GRXCR1: variants seen among roughly 807,000 people sequenced by gnomAD.
The protein encoded by GRXCR1 is glutaredoxin domain-containing cysteine-rich protein 1.
A neutral mutation model predicts 27.3 loss-of-function variants in GRXCR1; 27 were observed. The observed-to-expected ratio is 0.99, with a 90% confidence interval of 0.73 to 1.37. GRXCR1 has a LOEUF of 1.37. GRXCR1 is among the 40% of genes most tolerant of loss of function. The pLI is 0.00. For synonymous variants in GRXCR1, 122 were observed against 131.1 expected, an observed-to-expected ratio of 0.93 and a Z score of 0.47; for missense variants, 379 against 354.4, an observed-to-expected ratio of 1.07 and a Z score of -0.56.
chr4:42,899,396 G>A (rs1043016929), intron 1 of GRXCR1, among the ~76,000 whole-genome samples: 2 of 152,126 alleles, frequency 1.3e-5, no homozygotes, highest in Non-Finnish European at 2.9e-5. Flanking sequence ...GTGAATGATT[G>A]TGTAAAGCAA....
intron 1 of GRXCR1, among the ~76,000 whole-genome samples, chr4:42,928,258 C>A (rs1198511388): frequency 6.6e-6 from 1 of 151,900 alleles, no homozygotes; most frequent in East Asian, 1.9e-4. Context: ...CCAGGCTTGG[C>A]ATTAAAATCA....
intron 2 of GRXCR1, among the ~76,000 whole-genome samples, chr4:42,964,964 C>T (rs543503834): frequency 2.0e-5 from 3 of 151,976 alleles, no homozygotes; most frequent in Admixed American, 1.3e-4. Flanking sequence ...TAAGACATTT[C>T]CCATTGTGGA....
intron 2 of GRXCR1, among the ~76,000 whole-genome samples, chr4:42,976,426 C>G (rs1436484): frequency 0.04 from 6,095 of 151,992 alleles, 418 homozygotes; most frequent in African/African-American, 0.14. Flanking sequence ...TTAAAAGATG[C>G]TATGTATATC....
In GRXCR1 at chr4:42,972,371, A is replaced by G. The variant is rs183626157; in HGVS notation, c.627+9237A>G. On this transcript the variant is annotated intron_variant, in intron 2 of 3. Transcript: ENST00000399770. ...TGGATCTTATTTGGTAATAGGCAAG[A>G]TAAGTGTTAAATCTTCAAGCTTTGT... 3.9e-5 allele frequency among the ~76,000 whole-genome samples: 6 copies of G among 152,280 alleles called. No individual in the cohort carries two copies. In the East Asian group the frequency reaches 9.7e-4, roughly 24 times the overall value.
At chr4:42,982,979 C>T (rs895456189) in intron 2 of GRXCR1, among the ~76,000 whole-genome samples, 38 of 151,876 alleles carry the variant, frequency 2.5e-4, no homozygotes, top group East Asian at 3.9e-4. Flanking sequence ...GAGTAGGTTG[C>T]GAAAATTTTC....
At chr4:42,963,445 TTAGTG>T (rs2109775346) in intron 2 of GRXCR1, among the ~76,000 whole-genome samples, 1 of 152,078 alleles carries the variant, frequency 6.6e-6, no homozygotes, top group South Asian at 2.1e-4. Context: ...GACTGTATTT[TTAGTG>T]TAGGCAAGAA....
intron 2 of GRXCR1, among the ~76,000 whole-genome samples, chr4:42,986,532 G>A (rs1162710398): frequency 1.3e-5 from 2 of 152,114 alleles, no homozygotes; most frequent in Non-Finnish European, 2.9e-5. Flanking sequence ...ATTTCTTCAA[G>A]CTTTCTTTAC....
At chr4:43,023,690 T>A (rs182833146) in intron 3 of GRXCR1, among the ~76,000 whole-genome samples, 36 of 152,310 alleles carry the variant, frequency 2.4e-4, no homozygotes, top group African/African-American at 8.2e-4. Context: ...TTCTTTTTAT[T>A]ATTTACTTCT....
chr4:42,894,582 G>A (rs1183877418), intron 1 of GRXCR1, among the ~76,000 whole-genome samples: 1 of 151,928 alleles, frequency 6.6e-6, no homozygotes, highest in Non-Finnish European at 1.5e-5. Context: ...TGAAGAGAGA[G>A]GATTTCAATG....
intron 2 of GRXCR1, among the ~76,000 whole-genome samples, chr4:43,015,058 G>T (rs1156681784): frequency 1.3e-5 from 2 of 152,176 alleles, no homozygotes; most frequent in Non-Finnish European, 2.9e-5. Context: ...CCAAGAGGTG[G>T]TGGAAGAAAG....
intron 2 of GRXCR1, among the ~76,000 whole-genome samples, chr4:42,967,517 A>T (rs756031887): frequency 2.0e-5 from 3 of 152,064 alleles, no homozygotes; most frequent in Non-Finnish European, 2.9e-5. Context: ...AGTATATAGG[A>T]TATAGGTATA....
chr4:42,935,695 A>T (rs536965027), intron 1 of GRXCR1, among the ~76,000 whole-genome samples: 2 of 152,052 alleles, frequency 1.3e-5, no homozygotes, highest in East Asian at 3.9e-4. Context: ...CTGTATAGTA[A>T]AAGGGTGTGA....
In GRXCR1 at chr4:42,976,411, T is replaced by C. The variant is rs369032207; in HGVS notation, c.627+13277T>C. The stretch of plus-strand genomic sequence containing the variant: ...TTTAAAGATTTTTCTGTATGTTTTA[T>C]ATCTTTAAAAGATGCTATGTATATC... On this transcript the variant is annotated intron_variant, in intron 2 of 3. Transcript: ENST00000399770. Among the ~76,000 whole-genome samples, 164 of 152,232 alleles carry C rather than the reference T, an allele frequency of 1.1e-3. 3 individuals are homozygous for C. The highest frequency in any genetic ancestry group is 3.7e-4 in the Non-Finnish European group (25 of 67,982).
At chr4:42,999,602 A>T (rs1712282924) in intron 2 of GRXCR1, among the ~76,000 whole-genome samples, 1 of 152,174 alleles carries the variant, frequency 6.6e-6, no homozygotes, top group Admixed American at 6.5e-5. Context: ...TGCCTCTCCC[A>T]TCCTCAGGTC....
At chr4:42,936,895 T>C (rs1443344860) in intron 1 of GRXCR1, among the ~76,000 whole-genome samples, 1 of 151,926 alleles carries the variant, frequency 6.6e-6, no homozygotes, top group Non-Finnish European at 1.5e-5. Flanking sequence ...GACTTTTCAT[T>C]GTTGAAGTTA....
At chr4:42,976,378 A>T (rs1056893202) in intron 2 of GRXCR1, among the ~76,000 whole-genome samples, 6 of 152,076 alleles carry the variant, frequency 3.9e-5, no homozygotes, top group African/African-American at 1.4e-4. Flanking sequence ...TCAGAGTTTA[A>T]AGAAATCTTT....
At chr4:42,958,401 A>C (rs1240524688) in intron 1 of GRXCR1, among the ~76,000 whole-genome samples, 2 of 152,132 alleles carry the variant, frequency 1.3e-5, no homozygotes, top group East Asian at 3.9e-4. Context: ...ATCCTATACC[A>C]CATATTCAAA....
chr4:42,971,393 A>T (rs1420709248), intron 2 of GRXCR1, among the ~76,000 whole-genome samples: 1 of 152,146 alleles, frequency 6.6e-6, no homozygotes, highest in East Asian at 1.9e-4. Flanking sequence ...ACACTGCTAT[A>T]AAGAACTACC....
At chr4:42,899,637 T>A (rs1310768473) in intron 1 of GRXCR1, among the ~76,000 whole-genome samples, 1 of 152,158 alleles carries the variant, frequency 6.6e-6, no homozygotes, top group Non-Finnish European at 1.5e-5. Context: ...AACTGAAGGC[T>A]CATCTGTATA....
Sources: allele counts gnomAD v4.1 joint callset (sites outside exome capture counted in the v4.1 genomes callset), GRCh38; gene constraint gnomAD v4.1.1; transcripts MANE v1.5; gene names NCBI Gene and HGNC (gene_info 2026-07-23, HGNC 2026-07-21).